CFAP299: variants seen among roughly 807,000 people sequenced by gnomAD.
CFAP299 encodes the protein cilia and flagella associated protein 299.
Under a neutral mutation model 27.0 loss-of-function variants are expected in CFAP299, and 21 were observed. The observed-to-expected ratio is 0.78, with a 90% CI of 0.55 to 1.12. The LOEUF is 1.12. CFAP299 is among the 50% of genes most tolerant of loss of function. The pLI, the probability that CFAP299 is intolerant of heterozygous loss-of-function variation, is 0.00. For missense variants in CFAP299, 310 were observed against 276.6 expected, an observed-to-expected ratio of 1.12 and a Z score of -0.86; for synonymous variants, 104 against 98.1, an observed-to-expected ratio of 1.06 and a Z score of -0.36.
At chr4:80,638,179 C>A (rs577893401) in intron 3 of CFAP299, among the ~76,000 whole-genome samples, 3 of 152,132 alleles carry the variant, frequency 2.0e-5, no homozygotes, top group Non-Finnish European at 2.9e-5. Context: ...AGACCAGAAA[C>A]AAGTAACTTC....
At chr4:80,751,375 T>C (rs554541735) in intron 3 of CFAP299, among the ~76,000 whole-genome samples, 1 of 152,206 alleles carries the variant, frequency 6.6e-6, no homozygotes, top group African/African-American at 2.4e-5. Context: ...GGAGGGACCT[T>C]TCCTCATGCA....
chr4:80,702,003 A>G (rs967292589), intron 3 of CFAP299, among the ~76,000 whole-genome samples: 1 of 151,896 alleles, frequency 6.6e-6, no homozygotes, highest in South Asian at 2.1e-4. Flanking sequence ...TTCAACTTGT[A>G]TGTGGTTGGA....
At chr4:80,396,304 C>T (rs1029360431) in intron 2 of CFAP299, among the ~76,000 whole-genome samples, 9 of 152,014 alleles carry the variant, frequency 5.9e-5, no homozygotes, top group African/African-American at 1.2e-4. Flanking sequence ...TCAGGAGATG[C>T]GTAAACAGAA....
At chr4:80,680,685 G>A (rs757538607) in intron 3 of CFAP299, among the ~76,000 whole-genome samples, 7 of 152,202 alleles carry the variant, frequency 4.6e-5, no homozygotes, top group African/African-American at 7.2e-5. Flanking sequence ...AACTTGAAAC[G>A]TAAAGTTTGA....
chr4:80,939,033 A>G (rs1341533659), intron 4 of CFAP299, among the ~76,000 whole-genome samples: 1 of 152,024 alleles, frequency 6.6e-6, no homozygotes, highest in Admixed American at 6.6e-5. Context: ...TAATGGTTTT[A>G]TTATTTGGGG....
At chr4:80,812,835 A>G (rs1339144602) in intron 3 of CFAP299, among the ~76,000 whole-genome samples, 1 of 152,104 alleles carries the variant, frequency 6.6e-6, no homozygotes, top group Non-Finnish European at 1.5e-5. Flanking sequence ...TGAGATTTCT[A>G]TATTACTTAT....
At chr4:80,941,581 C>T (rs1737196911) in intron 4 of CFAP299, among the ~76,000 whole-genome samples, 1 of 152,160 alleles carries the variant, frequency 6.6e-6, no homozygotes, top group African/African-American at 2.4e-5. Context: ...GTCCAAATAT[C>T]TTTCACATAC....
intron 2 of CFAP299, among the ~76,000 whole-genome samples, chr4:80,477,062 T>C (rs1578489806): frequency 6.6e-6 from 1 of 151,990 alleles, no homozygotes; most frequent in East Asian, 1.9e-4. Context: ...TCTCTGCTTC[T>C]TTTTTTTGAG....
chr4:80,949,025 T>C (rs1469735486), intron 5 of CFAP299, among the ~76,000 whole-genome samples: 1 of 152,180 alleles, frequency 6.6e-6, no homozygotes, highest in Non-Finnish European at 1.5e-5. Flanking sequence ...ATCTTTATTT[T>C]GGTCTATGCT....
chr4:80,921,180 T>C (rs1736027113), intron 4 of CFAP299, among the ~76,000 whole-genome samples: 1 of 152,048 alleles, frequency 6.6e-6, no homozygotes, highest in South Asian at 2.1e-4. Context: ...GATATCATGA[T>C]CCTCCTGTGT....
intron 2 of CFAP299, among the ~76,000 whole-genome samples, chr4:80,398,536 C>T (rs1324498165): frequency 6.6e-6 from 1 of 152,126 alleles, no homozygotes; most frequent in African/African-American, 2.4e-5. Context: ...AATAATACCA[C>T]ACATCTACAA....
chr4:80,364,979 A>T (rs1723752279), intron 2 of CFAP299, among the ~76,000 whole-genome samples: 1 of 152,128 alleles, frequency 6.6e-6, no homozygotes, highest in Non-Finnish European at 1.5e-5. Context: ...GTATATATGT[A>T]CCATATTTTC....
intron 4 of CFAP299, among the ~76,000 whole-genome samples, chr4:80,888,713 T>A (rs771715003): frequency 3.3e-5 from 5 of 151,896 alleles, no homozygotes; most frequent in Non-Finnish European, 5.9e-5. Context: ...ATAGACCATA[T>A]GTTAGGTCAC....
chr4:80,606,337 C>T (rs1013877200), intron 3 of CFAP299, among the ~76,000 whole-genome samples: 1 of 152,116 alleles, frequency 6.6e-6, no homozygotes, highest in Non-Finnish European at 1.5e-5. Flanking sequence ...GAGTTCGAAA[C>T]CAGCCTAGCC....
intron 3 of CFAP299, among the ~76,000 whole-genome samples, chr4:80,671,029 A>G (rs1199677064): frequency 6.6e-6 from 1 of 152,158 alleles, no homozygotes; most frequent in Admixed American, 6.5e-5. Flanking sequence ...TTTTGTTGCC[A>G]TTGCTTTTGG....
chr4:80,871,187 G>A (rs12233814), intron 4 of CFAP299: 106,573 of 984,184 alleles, frequency 0.11, 6,115 homozygotes, highest in Middle Eastern at 0.21. Flanking sequence ...GATTACAGGC[G>A]TCAGCCACCG....
At chr4:80,755,680 T>A (rs1725199066) in intron 3 of CFAP299, among the ~76,000 whole-genome samples, 1 of 152,114 alleles carries the variant, frequency 6.6e-6, no homozygotes, top group Admixed American at 6.5e-5. Flanking sequence ...CTTTTCTAAG[T>A]TGTAATTCCT....
intron 4 of CFAP299, among the ~76,000 whole-genome samples, chr4:80,907,509 G>T (rs1735242124): frequency 6.6e-6 from 1 of 152,068 alleles, no homozygotes. Flanking sequence ...TAAAGGATAG[G>T]GTTTTAGTTG....
At chr4:80,826,716 T>C (rs181801845) in intron 3 of CFAP299, among the ~76,000 whole-genome samples, 67 of 151,932 alleles carry the variant, frequency 4.4e-4, no homozygotes, top group African/African-American at 1.5e-3. Flanking sequence ...CTAATAGACA[T>C]ATGCAAGAAC....
Sources: allele counts gnomAD v4.1 joint callset (sites outside exome capture counted in the v4.1 genomes callset), GRCh38; gene constraint gnomAD v4.1.1; transcripts MANE v1.5; gene names NCBI Gene and HGNC (gene_info 2026-07-23, HGNC 2026-07-21).